The following MEIS3 variants were observed in gnomAD, a reference collection of about 807,000 sequenced individuals.
MEIS3 encodes the protein homeobox protein Meis3.
Under a neutral mutation model 51.4 loss-of-function variants are expected in MEIS3, and 38 were observed. The observed-to-expected ratio is 0.74, with a 90% CI of 0.57 to 0.97. The LOEUF is 0.97. Ranked by LOEUF, MEIS3 falls within the 50% of genes least tolerant of loss-of-function variation. MEIS3 has a pLI of 0.00. For missense variants in MEIS3, 456 were observed against 502.6 expected, an observed-to-expected ratio of 0.91 and a Z score of 0.89; for synonymous variants, 198 against 201.8, an observed-to-expected ratio of 0.98 and a Z score of 0.16.
intron 6 of MEIS3, among the ~76,000 whole-genome samples, chr19:47,411,829 C>T (rs866329516): frequency 6.6e-6 from 1 of 151,398 alleles, no homozygotes; most frequent in African/African-American, 2.4e-5. Flanking sequence ...TGTGAGCCAC[C>T]GTGCCCGGCC....
chr19:47,413,838 C>T (rs1971257660), intron 6 of MEIS3, among the ~76,000 whole-genome samples: 1 of 151,838 alleles, frequency 6.6e-6, no homozygotes, highest in South Asian at 2.1e-4. Context: ...TGCCATTCTC[C>T]TGCCTCAGCC....
chr19:47,418,348 TCTC>T (rs1377922938), intron 1 of MEIS3: 1 of 153,162 alleles, frequency 6.5e-6, no homozygotes. Context: ...CTCTCCCTCT[TCTC>T]CTAACTTCTC....
intron 2 of MEIS3, 103 bp downstream of exon 2, chr19:47,417,075 G>T: frequency 6.5e-7 from 1 of 1,534,402 alleles, no homozygotes; most frequent in Non-Finnish European, 8.8e-7. Flanking sequence ...GAGGGAAGGA[G>T]ACAGAGACTC....
chr19:47,411,551 T>A (rs1375362497), intron 6 of MEIS3, among the ~76,000 whole-genome samples: 6 of 151,458 alleles, frequency 4.0e-5, no homozygotes, highest in Admixed American at 1.3e-4. Context: ...TCTTTTTTTT[T>A]TTTTTTTGAG....
chr19:47,420,888 T>C, upstream of MEIS3, among the ~76,000 whole-genome samples: 1 of 126,602 alleles, frequency 7.9e-6, no homozygotes, highest in East Asian at 2.6e-4. Flanking sequence ...CGTCTCTGTC[T>C]CTCGCTCTCT....
chr19:47,405,346 T>G (rs932093977), intron 12 of MEIS3, among the ~76,000 whole-genome samples: 1 of 152,110 alleles, frequency 6.6e-6, no homozygotes, highest in Non-Finnish European at 1.5e-5. Flanking sequence ...GGACTCCTAT[T>G]CATCCTTCAG....
chr19:47,414,632 G>A (rs1971302156), intron 6 of MEIS3, 85 bp downstream of exon 6: 4 of 1,466,652 alleles, frequency 2.7e-6, no homozygotes, highest in Non-Finnish European at 3.7e-6. Context: ...TTCGTCTGAG[G>A]CTGTGTAGTG....
Position 47,407,147 on chromosome 19 carries a change from G to A in MEIS3, c.936-10C>T, listed in dbSNP as rs1458315203. The A allele has an allele frequency of 3.1e-6, 5 of 1,607,210 alleles. No homozygotes were observed. Among genetic ancestry groups the A allele is most frequent in the Admixed American group, 1.7e-5 (1 of 58,536 alleles). ...CCGGGCGTTAATGAACCTGGGAGGC[G>A]GTCATGGAAACGGAGGGGAATGAAA... On this transcript the variant is annotated splice_polypyrimidine_tract_variant and intron_variant, in intron 9 of 12. Transcript: ENST00000558555.
chr19:47,416,993 G>A (rs1971458977), intron 2 of MEIS3, 30 bp from the exon 3 acceptor site: 1 of 1,555,482 alleles, frequency 6.4e-7, no homozygotes, highest in Non-Finnish European at 8.7e-7. Flanking sequence ...GAGAGGTTGA[G>A]GGAGAGGCTG....
In MEIS3 at chr19:47,417,335, G is replaced by A; in HGVS notation, c.28C>T (p.His10Tyr). Residue 10 changes from histidine to tyrosine, a missense_variant, in exon 2 of 13, where the codon CAC becomes TAC. Transcript: ENST00000558555. The stretch of plus-strand genomic sequence containing the variant: ...GGGCCATCCACGATGCCTGGGTAGT[G>A]CGGCAGCTCATCATACTGGGGGAAG... MARRYDELP[H>Y]YPGIVDGPAA... 6.2e-7 allele frequency: 1 copy of A among 1,613,326 alleles called. No individual in the cohort carries two copies. Among genetic ancestry groups the A allele is most frequent in the Non-Finnish European group, 8.5e-7 (1 of 1,179,798 alleles).
intron 1 of MEIS3, chr19:47,417,700 T>C (rs761690024): frequency 2.1e-5 from 15 of 701,212 alleles, no homozygotes; most frequent in Non-Finnish European, 3.1e-5. Flanking sequence ...GGGAGATCCA[T>C]GGACACCTCC....
intron 4 of MEIS3, 55 bp from the exon 5 acceptor site, chr19:47,415,156 GGGAGGAAGAAGGAAGAGGAAGAGAA>G: frequency 2.0e-6 from 2 of 995,868 alleles, no homozygotes; most frequent in African/African-American, 1.6e-5. Flanking sequence ...GGAGGGAGCA[GGGAGGAAGAAGGAAGAGGAAGAGAA>G]GGAGGAAGAG....
chr19:47,409,211 G>A lies in MEIS3; in HGVS notation c.746C>T (p.Ser249Phe), dbSNP rs750990615. 1.9e-6 allele frequency: 3 copies of A among 1,613,270 alleles called. No individual in the cohort carries two copies. Among genetic ancestry groups the A allele is most frequent in the Non-Finnish European group, 2.5e-6 (3 of 1,179,988 alleles). Reference sequence around the variant, plus strand: ...GTCCAAGTCCTCATCTTCTCCACCAGAACTGGGAGAGGCCACGCTGGTGTC... The same window carrying A: ...GTCCAAGTCCTCATCTTCTCCACCAAAACTGGGAGAGGCCACGCTGGTGTC... Reference protein sequence around the residue: ...GLDTSVASPSSGGEDEDLDQE... With the variant: ...GLDTSVASPSFGGEDEDLDQE... The change falls in exon 8 of 13, where the codon TCT becomes TTT. Residue 249 changes from serine (S) to phenylalanine (F), a missense_variant. Coordinates refer to ENST00000558555, the MANE Select transcript of MEIS3 (RefSeq NM_001301059.2).
chr19:47,406,799 G>T, intron 11 of MEIS3, 89 bp downstream of exon 11: 2 of 1,231,972 alleles, frequency 1.6e-6, no homozygotes, highest in Non-Finnish European at 2.2e-6. Flanking sequence ...ACTGTATTCC[G>T]CTTGAATTGA....
At chr19:47,411,598 T>A (rs1469904496) in intron 6 of MEIS3, among the ~76,000 whole-genome samples, 1 of 151,118 alleles carries the variant, frequency 6.6e-6, no homozygotes, top group East Asian at 1.9e-4. Flanking sequence ...TGGAGTGCAA[T>A]GGCATGATCT....
upstream of MEIS3, among the ~76,000 whole-genome samples, chr19:47,421,213 T>C (rs1971706933): frequency 6.6e-6 from 1 of 151,818 alleles, no homozygotes; most frequent in Admixed American, 6.6e-5. Flanking sequence ...TCTGCAGGGG[T>C]CTCCGCCCTC....
Position 47,406,331 on chromosome 19 carries a change from C to T in MEIS3, c.*17+129G>A, listed in dbSNP as rs1480198781. 5 of 638,462 alleles carry T rather than the reference C, an allele frequency of 7.8e-6. No homozygotes were observed. In the East Asian group the frequency reaches 1.1e-4, roughly 14 times the overall value. 39.5% of individuals were successfully genotyped at this position (638,462 alleles called of 1,614,324 possible). Reference sequence around the variant, plus strand: ...GACAGATGGATGAATATCTTCCCATCAAGCCTCAGAGAACCCACAGTACAG... The same window carrying T: ...GACAGATGGATGAATATCTTCCCATTAAGCCTCAGAGAACCCACAGTACAG... On this transcript the variant is annotated intron_variant, in intron 12 of 12. Transcript: ENST00000558555.
At chr19:47,410,314 G>T (rs563624363) in intron 6 of MEIS3, among the ~76,000 whole-genome samples, 2 of 152,148 alleles carry the variant, frequency 1.3e-5, no homozygotes, top group African/African-American at 4.8e-5. Context: ...TGGGCATGAT[G>T]GTGGGTTCCT....
At chr19:47,415,128 G>A (rs1207944369) in intron 4 of MEIS3, 27 bp from the exon 5 acceptor site, 1 of 987,494 alleles carries the variant, frequency 1.0e-6, no homozygotes, top group Admixed American at 2.5e-5. Flanking sequence ...GAGGTGGGGG[G>A]AGACAGAGGG....
Sources: gnomAD v4.1 joint callset for allele counts (sites outside exome capture counted in the v4.1 genomes callset) on GRCh38, gnomAD v4.1.1 for gene constraint, MANE v1.5 for transcripts, NCBI Gene and HGNC (gene_info 2026-07-23, HGNC 2026-07-21) for gene names.